P2RX3: variants seen among roughly 807,000 people sequenced by gnomAD.
P2RX3 encodes P2X purinoceptor 3.
In P2RX3, 41 loss-of-function variants were observed where a neutral mutation model predicts 51.5. The ratio of observed to expected loss-of-function variants is 0.80; its 90% CI spans 0.62 to 1.03. P2RX3 has a LOEUF of 1.03. Among genes scored for constraint, P2RX3 ranks in the 50% least tolerant of loss-of-function variants. The pLI is 0.00. For synonymous variants in P2RX3, 185 were observed against 191.6 expected (o/e 0.97, Z 0.29); for missense variants, 459 against 522.1 (o/e 0.88, Z 1.18).
chr11:57,370,866 G>A lies in P2RX3; in HGVS notation c.*869G>A, dbSNP rs977440650. On this transcript the variant is annotated 3_prime_UTR_variant, in exon 12 of 12. Transcript: ENST00000263314. ...TCCCGGACCTGGGATCCTGTCGTAGGCTGGGACCCTGTTCCAGGAGTTCAG... is the reference window on the plus strand; with the variant it reads ...TCCCGGACCTGGGATCCTGTCGTAGACTGGGACCCTGTTCCAGGAGTTCAG... 2.6e-5 allele frequency among the ~76,000 whole-genome samples: 4 copies of A among 152,182 alleles called. No homozygotes were observed. The highest frequency in any genetic ancestry group is 1.3e-4 in the Admixed American group (2 of 15,276).
chr11:57,350,559 G>A, intron 7 of P2RX3: 1 of 625,546 alleles, frequency 1.6e-6, no homozygotes, highest in Non-Finnish European at 2.7e-6. Context: ...TGGGATTACA[G>A]GCGTGAATCA....
chr11:57,346,401 T>A, intron 1 of P2RX3, 143 bp from the exon 2 acceptor site: 1 of 933,128 alleles, frequency 1.1e-6, no homozygotes. Context: ...GGGCTCACTC[T>A]AGGTCTCACG....
chr11:57,363,734 C>A (rs1306840973), intron 8 of P2RX3, among the ~76,000 whole-genome samples: 1 of 152,286 alleles, frequency 6.6e-6, no homozygotes, highest in African/African-American at 2.4e-5. Context: ...TGGGCAGATT[C>A]TGTGATCCCC....
At chr11:57,351,219 T>C (rs1258542962) in intron 8 of P2RX3, among the ~76,000 whole-genome samples, 5 of 152,230 alleles carry the variant, frequency 3.3e-5, no homozygotes, top group Non-Finnish European at 7.3e-5. Context: ...GGCCTGAAAC[T>C]GTGACGTGCT....
At chr11:57,338,691 T>C (rs745474251) in intron 1 of P2RX3, 22 bp downstream of exon 1, 24 of 1,537,504 alleles carry the variant, frequency 1.6e-5, no homozygotes, top group Middle Eastern at 1.9e-4. Flanking sequence ...GCCTTTCAGG[T>C]TCCTGGCGGG....
chr11:57,369,160 G>A lies in P2RX3; in HGVS notation c.1003-201G>A, dbSNP rs543380144. Among the ~76,000 whole-genome samples, 6 of 152,290 alleles carry A rather than the reference G, an allele frequency of 3.9e-5. No individual in the cohort carries two copies. In the South Asian group the frequency reaches 8.3e-4, roughly 21 times the overall value. ...AGGCCCCACTTGTCAATACTGCCAC[G>A]CTGGGGATTAAGTTTCAGCACGAGT... On this transcript the variant is annotated intron_variant, in intron 10 of 11. Coordinates refer to ENST00000263314, the MANE Select transcript of P2RX3 (RefSeq NM_002559.5).
In P2RX3 at chr11:57,338,523, C is replaced by A. The variant is rs1295578976; in HGVS notation, c.-28C>A. ...CCTGAGGCCACCACTGGGCCCCCTTCTGAGTGTCCCCTGAGCACTCTCTCA... is the reference window on the plus strand; with the variant it reads ...CCTGAGGCCACCACTGGGCCCCCTTATGAGTGTCCCCTGAGCACTCTCTCA... On this transcript the variant is annotated 5_prime_UTR_variant, in exon 1 of 12. It adds an upstream start codon to the 5' untranslated region. Transcript: ENST00000263314. 2.0e-6 allele frequency: 3 copies of A among 1,525,748 alleles called. No homozygotes were observed. The East Asian group carries it at 6.9e-5, about 35-fold the overall frequency. The allele number at this position is 1,525,748 out of a possible 1,614,324, so 94.5% of individuals were successfully genotyped here.
chr11:57,353,332 G>A (rs556555073), intron 8 of P2RX3, among the ~76,000 whole-genome samples: 56 of 152,240 alleles, frequency 3.7e-4, no homozygotes, highest in African/African-American at 6.3e-4. Flanking sequence ...CATGCCCTAC[G>A]AAGTAGATGC....
intron 1 of P2RX3, chr11:57,340,520 C>T (rs143166477): frequency 6.6e-6 from 1 of 152,426 alleles, no homozygotes; most frequent in Non-Finnish European, 1.5e-5. Flanking sequence ...AACCCATGCA[C>T]GTTGTGACTT....
At chr11:57,347,615 C>T in intron 4 of P2RX3, 137 bp downstream of exon 4, 9 of 958,142 alleles carry the variant, frequency 9.4e-6, no homozygotes, top group African/African-American at 1.6e-5. Context: ...TCCCTGGGTG[C>T]CACACCCAGT....
intron 5 of P2RX3, 22 bp downstream of exon 5, chr11:57,348,285 G>C (rs758075681): frequency 6.4e-7 from 1 of 1,573,950 alleles, no homozygotes; most frequent in Non-Finnish European, 8.6e-7. Context: ...AGCCAGACAG[G>C]AGGAGACAGG....
At position 57,371,479 on chromosome 11, in the gene P2RX3, C is replaced by T. The variant is rs1396350665; in HGVS notation, c.*1482C>T. ...GCTCAACTGTAGATGGAGGGCGGCC[C>T]CTCAACACACGGCACAGGAAGTGGG... On this transcript the variant is annotated 3_prime_UTR_variant, in exon 12 of 12. Transcript: ENST00000263314. Among the ~76,000 whole-genome samples, 5 of 152,190 alleles carry T rather than the reference C, an allele frequency of 3.3e-5. No individual in the cohort carries two copies. Among genetic ancestry groups the T allele is most frequent in the Non-Finnish European group, 7.4e-5 (5 of 68,026 alleles).
At chr11:57,345,127 C>T (rs189688611) in intron 1 of P2RX3, among the ~76,000 whole-genome samples, 134 of 152,354 alleles carry the variant, frequency 8.8e-4, no homozygotes, top group African/African-American at 3.1e-3. Flanking sequence ...TTATAGAATC[C>T]TCAGGTCAGC....
chr11:57,353,513 G>GA (rs1020318515), intron 8 of P2RX3, among the ~76,000 whole-genome samples: 162 of 151,894 alleles, frequency 1.1e-3, no homozygotes, highest in African/African-American at 3.5e-3. Flanking sequence ...TTAATCCTCA[G>GA]AAAAAAAAGC....
intron 9 of P2RX3, 59 bp from the exon 10 acceptor site, chr11:57,368,313 G>T: frequency 1.9e-6 from 3 of 1,583,748 alleles, no homozygotes; most frequent in Non-Finnish European, 2.6e-6. Flanking sequence ...GTGCAGCCTC[G>T]GGCCTCACCC....
chr11:57,368,472 T>G (rs1452727171), intron 10 of P2RX3, 35 bp downstream of exon 10: 1 of 1,610,660 alleles, frequency 6.2e-7, no homozygotes, highest in African/African-American at 1.3e-5. Context: ...GACGGGCCAG[T>G]CAGAGTGGGG....
In P2RX3 at chr11:57,348,178, A is replaced by G; in HGVS notation, c.400A>G (p.Thr134Ala). The G allele has an allele frequency of 1.3e-6, 2 of 1,585,772 alleles. No individual in the cohort carries two copies. Among genetic ancestry groups the G allele is most frequent in the Middle Eastern group, 1.7e-4 (1 of 6,014 alleles). ...PERLPGGGIL[T>A]GRCVNYSSVL... is the part of the protein sequence containing the mutation. Reference sequence around the variant, plus strand: ...TGTGGCTCTCACTTTAGGGATCCTCACTGGCCGCTGCGTGAACTACAGCTC... The same window carrying G: ...TGTGGCTCTCACTTTAGGGATCCTCGCTGGCCGCTGCGTGAACTACAGCTC... Residue 134 changes from threonine (T) to alanine (A), a missense_variant, in exon 5 of 12, where the codon ACT becomes GCT. Transcript: ENST00000263314.
Position 57,338,627 on chromosome 11 carries a change from T to A in P2RX3, c.77T>A (p.Ile26Asn). The A allele has an allele frequency of 1.3e-6, 2 of 1,596,588 alleles. No individual in the cohort carries two copies. The highest frequency in any genetic ancestry group is 2.2e-5 in the South Asian group (2 of 90,446). Residue 26 changes from isoleucine to asparagine, a missense_variant, in exon 1 of 12, where the codon ATC becomes AAC. Physicochemically the swap from Ile to Asn is moderately radical, Grantham distance 149. Coordinates refer to ENST00000263314, the MANE Select transcript of P2RX3 (RefSeq NM_002559.5). ...VVVKSWTIGI[I>N]NRVVQLLIIS... is the part of the protein sequence containing the mutation. ...GTGAAGAGCTGGACCATCGGGATCA[T>A]CAACCGAGTAGTTCAGCTTCTGATC...
intron 6 of P2RX3, 110 bp downstream of exon 6, chr11:57,348,814 T>G: frequency 1.3e-6 from 1 of 746,686 alleles, no homozygotes; most frequent in Non-Finnish European, 2.2e-6. Flanking sequence ...CCACTTTCGC[T>G]CCACTGACCC....
Sources: allele counts gnomAD v4.1 joint callset (sites outside exome capture counted in the v4.1 genomes callset), GRCh38; gene constraint gnomAD v4.1.1; transcripts MANE v1.5; gene names NCBI Gene and HGNC (gene_info 2026-07-23, HGNC 2026-07-21).